The following COL6A5 variants were observed in gnomAD, a reference collection of about 807,000 sequenced individuals.
COL6A5 encodes the protein collagen alpha-5(VI) chain.
A neutral mutation model predicts 65.6 loss-of-function variants in COL6A5; 48 were observed. That is an observed-to-expected ratio of 0.73 (90% CI 0.58 to 0.93). The LOEUF (loss-of-function observed/expected upper bound fraction) is 0.93, where lower values mean the gene tolerates loss of function less well. Ranked by LOEUF, COL6A5 falls within the 40% of genes least tolerant of loss-of-function variation. COL6A5 has a pLI of 0.00. For missense variants in COL6A5, 914 were observed against 928.3 expected (o/e 0.98, Z 0.20); for synonymous variants, 291 against 322.8 (o/e 0.90, Z 1.05).
intron 5 of COL6A5, among the ~76,000 whole-genome samples, chr3:130,466,502 C>A (rs1205590265): frequency 6.6e-6 from 1 of 151,778 alleles, no homozygotes; most frequent in Non-Finnish European, 1.5e-5. Context: ...GCATTAAATG[C>A]CTATATTGAC....
At chr3:130,463,086 C>A (rs1162128966) in intron 5 of COL6A5, among the ~76,000 whole-genome samples, 1 of 152,034 alleles carries the variant, frequency 6.6e-6, no homozygotes, top group Non-Finnish European at 1.5e-5. Context: ...AGAAGACAAG[C>A]GTAGAGCTGA....
intron 10 of COL6A5, among the ~76,000 whole-genome samples, chr3:130,398,864 A>G (rs1262327411): frequency 6.6e-5 from 10 of 152,220 alleles, no homozygotes; most frequent in African/African-American, 2.4e-4. Context: ...TGGTTACAAC[A>G]TCTCCTTCCC....
chr3:130,391,471 G>A (rs1559874795), exon 7 of COL6A5: 2 of 1,551,730 alleles, frequency 1.3e-6, no homozygotes, highest in East Asian at 2.4e-5. Context: ...CAAATGCCCT[G>A]TTTACAGAGG....
intron 11 of COL6A5, among the ~76,000 whole-genome samples, 185 bp from the exon 12 acceptor site, chr3:130,401,577 A>G (rs1447146505): frequency 1.3e-5 from 2 of 152,212 alleles, no homozygotes; most frequent in South Asian, 2.1e-4. Context: ...GATGTTGCCA[A>G]TGCAGTGCCT....
At chr3:130,480,933 C>T (rs763437429) in intron 7 of COL6A5, among the ~76,000 whole-genome samples, 15 of 152,036 alleles carry the variant, frequency 9.9e-5, no homozygotes, top group Admixed American at 1.3e-4. Flanking sequence ...TCATCTCAGG[C>T]GAAGTCCCAT....
In COL6A5 at chr3:130,418,936, G is replaced by T; in HGVS notation, c.4950+5G>T. The T allele has an allele frequency of 1.3e-6, 2 of 1,550,316 alleles. No homozygotes were observed. Among genetic ancestry groups the T allele is most frequent in the Non-Finnish European group, 1.7e-6 (2 of 1,146,010 alleles). On this transcript the variant is annotated splice_donor_5th_base_variant and intron_variant and NMD_transcript_variant, in intron 25 of 41. Transcript: ENST00000312481. ...ACTGGGCAGCGAGGAAGACAGGTAT[G>T]AAGTTTTGAAGTCCCTACCCTCCCC...
At chr3:130,397,360 T>TCACATATATATGTGATATA (rs569737711) in intron 8 of COL6A5, among the ~76,000 whole-genome samples, 5 of 152,074 alleles carry the variant, frequency 3.3e-5, no homozygotes, top group Admixed American at 2.0e-4. Context: ...TATGTTGGTA[T>TCACATATATATGTGATATA]CACATATATA....
chr3:130,469,580 A>G, intron 6 of COL6A5, 99 bp downstream of exon 38: 1 of 965,554 alleles, frequency 1.0e-6, no homozygotes, highest in Admixed American at 2.8e-5. Context: ...ACTTCAGTTA[A>G]GAGTGGTAGA....
At chr3:130,451,906 C>T (rs931185132) in intron 4 of COL6A5, among the ~76,000 whole-genome samples, 2 of 152,100 alleles carry the variant, frequency 1.3e-5, no homozygotes, top group African/African-American at 4.8e-5. Context: ...GGTACCAAGG[C>T]CCAGTCACCC....
chr3:130,423,110 A>T (rs1023097500), intron 28 of COL6A5, among the ~76,000 whole-genome samples: 4 of 152,060 alleles, frequency 2.6e-5, no homozygotes, highest in Admixed American at 2.6e-4. Context: ...ATCTTGGCAT[A>T]TTAACCCTGT....
At chr3:130,470,753 C>G (rs1709931155) in intron 6 of COL6A5, 118 bp from the exon 39 acceptor site, 1 of 677,334 alleles carries the variant, frequency 1.5e-6, no homozygotes, top group Non-Finnish European at 2.6e-6. Context: ...TTTGTGAAGT[C>G]CGTTATAAAA....
At chr3:130,443,422 A>G in intron 3 of COL6A5, 54 bp from the exon 36 acceptor site, 1 of 1,301,044 alleles carries the variant, frequency 7.7e-7, no homozygotes, top group Non-Finnish European at 1.1e-6. Flanking sequence ...CTCTTTACCT[A>G]GGAAACATCA....
chr3:130,460,563 C>T (rs928583874), intron 5 of COL6A5, among the ~76,000 whole-genome samples: 1 of 151,854 alleles, frequency 6.6e-6, no homozygotes, highest in East Asian at 1.9e-4. Flanking sequence ...GTTATGTGAC[C>T]CTTTCTAATG....
chr3:130,414,299 G>A (rs10512768), intron 22 of COL6A5, among the ~76,000 whole-genome samples, 168 bp downstream of exon 22: 94,678 of 151,940 alleles, frequency 0.62, 32,290 homozygotes, highest in Non-Finnish European at 0.77. Context: ...AACTTGCTTC[G>A]TTGTTCGTAG....
At chr3:130,397,097 G>C (rs1392862497) in intron 8 of COL6A5, among the ~76,000 whole-genome samples, 3 of 152,066 alleles carry the variant, frequency 2.0e-5, no homozygotes, top group Admixed American at 1.3e-4. Context: ...TCGATCTCCT[G>C]ACCTCATGAT....
At chr3:130,469,212 A>G (rs748598773) in exon 6 of COL6A5, 28 of 1,613,108 alleles carry the variant, frequency 1.7e-5, no homozygotes, top group Non-Finnish European at 2.2e-5. Context: ...GGAACCCCCA[A>G]TCTGAGGAAA....
chr3:130,428,996 G>C (rs1031375300), upstream of COL6A5, among the ~76,000 whole-genome samples: 6 of 152,150 alleles, frequency 3.9e-5, no homozygotes, highest in African/African-American at 1.2e-4. Flanking sequence ...TCTCAGTTGA[G>C]GGAACCAGAT....
chr3:130,449,448 G>C (rs772300882), intron 4 of COL6A5, among the ~76,000 whole-genome samples: 51 of 152,144 alleles, frequency 3.4e-4, no homozygotes, highest in Admixed American at 3.9e-4. Flanking sequence ...ATGATATAGG[G>C]CTGAATTGTG....
intron 2 of COL6A5, 148 bp from the exon 3 acceptor site, chr3:130,376,089 A>G (rs887878645): frequency 9.8e-6 from 7 of 716,266 alleles, no homozygotes; most frequent in Middle Eastern, 7.0e-4. Context: ...AGGCAATTAT[A>G]TTTTCTTCTG....
Sources: gnomAD v4.1 joint callset for allele counts (sites outside exome capture counted in the v4.1 genomes callset) on GRCh38, gnomAD v4.1.1 for gene constraint, MANE v1.5 for transcripts, NCBI Gene and HGNC (gene_info 2026-07-23, HGNC 2026-07-21) for gene names.